STOX2: variants seen among roughly 807,000 people sequenced by gnomAD.
STOX2 encodes storkhead box 2, also known as storkhead-box protein 2.
STOX2 carries 28 observed loss-of-function variants against 60.9 expected under a neutral mutation model. The ratio of observed to expected loss-of-function variants is 0.46; its 90% CI spans 0.34 to 0.63. The LOEUF is 0.63. STOX2 is among the 30% of genes least tolerant of loss of function. The pLI, the probability that STOX2 is intolerant of heterozygous loss-of-function variation, is 0.01. For missense variants in STOX2, 1,024 were observed against 1,187.7 expected (o/e 0.86, Z 2.03); for synonymous variants, 472 against 463.9 (o/e 1.02, Z -0.22).
intron 1 of STOX2, among the ~76,000 whole-genome samples, chr4:183,831,274 G>A (rs1335889147): frequency 1.3e-5 from 2 of 152,194 alleles, no homozygotes; most frequent in African/African-American, 2.4e-5. Flanking sequence ...TTGCACACAT[G>A]TAAGGAAAAT....
intron 1 of STOX2, among the ~76,000 whole-genome samples, chr4:183,937,621 C>T (rs541262383): frequency 5.9e-5 from 9 of 152,314 alleles, no homozygotes; most frequent in Admixed American, 2.6e-4. Flanking sequence ...GATCAGTGGA[C>T]TCGTCTCATT....
chr4:183,916,236 G>T, intron 1 of STOX2, among the ~76,000 whole-genome samples: 1 of 152,222 alleles, frequency 6.6e-6, no homozygotes, highest in Non-Finnish European at 1.5e-5. Flanking sequence ...CCAGCTGTAG[G>T]TTTGTGCTTG....
rs1226042910 is a variant in STOX2, at chr4:184,022,169, C to G, written c.*4885C>G. ...ATCAACTGTCACCCCATTCCTTTCC[C>G]AGAAGGTCTTATGGTATTAAGGATA... On this transcript the variant is annotated 3_prime_UTR_variant, in exon 4 of 4. Transcript: ENST00000308497. The G allele has an allele frequency of 6.6e-6, 1 of 152,188 alleles. No homozygotes were observed. The highest frequency in any genetic ancestry group is 1.5e-5 in the Non-Finnish European group (1 of 68,046). 9.4% of individuals were successfully genotyped at this position (152,188 alleles called of 1,614,324 possible).
intron 1 of STOX2, among the ~76,000 whole-genome samples, chr4:183,855,557 A>C (rs1211023853): frequency 6.6e-6 from 1 of 152,174 alleles, no homozygotes; most frequent in Admixed American, 6.5e-5. Context: ...TTGGAGAAAA[A>C]CGAATGGTCG....
intron 1 of STOX2, among the ~76,000 whole-genome samples, chr4:183,843,135 G>A (rs113578142): frequency 2.2e-5 from 3 of 134,064 alleles, no homozygotes; most frequent in Admixed American, 8.0e-5. Flanking sequence ...GAGACAGAGC[G>A]AGACTCCATC....
At chr4:183,990,428 T>A (rs577018833) in intron 1 of STOX2, among the ~76,000 whole-genome samples, 1 of 152,162 alleles carries the variant, frequency 6.6e-6, no homozygotes, top group Non-Finnish European at 1.5e-5. Context: ...CACATGTATA[T>A]CTTATATTCC....
At chr4:183,819,621 G>A (rs1398859457) in intron 1 of STOX2, among the ~76,000 whole-genome samples, 2 of 149,216 alleles carry the variant, frequency 1.3e-5, no homozygotes. Flanking sequence ...GGAGGAGGGA[G>A]AGGCGAAATA....
intron 1 of STOX2, among the ~76,000 whole-genome samples, chr4:183,808,058 G>T (rs1738948832): frequency 3.9e-5 from 6 of 152,212 alleles, no homozygotes; most frequent in Admixed American, 3.9e-4. Context: ...TGGGTGAAAA[G>T]AACTGTCCAG....
At chr4:183,954,387 C>T (rs1281772791) in intron 1 of STOX2, among the ~76,000 whole-genome samples, 2 of 152,054 alleles carry the variant, frequency 1.3e-5, no homozygotes, top group Non-Finnish European at 2.9e-5. Flanking sequence ...TTCCCAGGTT[C>T]AAGCGATTCT....
At chr4:183,877,877 A>G (rs959211343) in intron 1 of STOX2, among the ~76,000 whole-genome samples, 2 of 151,892 alleles carry the variant, frequency 1.3e-5, no homozygotes, top group African/African-American at 4.8e-5. Context: ...TTTAGTAGAG[A>G]CGGGGTCTCA....
At chr4:183,899,141 T>C (rs763627335) in intron 1 of STOX2, among the ~76,000 whole-genome samples, 1 of 152,228 alleles carries the variant, frequency 6.6e-6, no homozygotes, top group Non-Finnish European at 1.5e-5. Context: ...AGTGTGCCCA[T>C]ATAAGATGGC....
Position 183,999,635 on chromosome 4 carries a change from C to T in STOX2, c.167-1690C>T, listed in dbSNP as rs115405520. The stretch of plus-strand genomic sequence containing the variant: ...GGGGGTGAGGCCTGAGCCTTGGGCA[C>T]TGGAGTCCTGCTGCTTCCTCCGAGG... On this transcript the variant is annotated intron_variant, in intron 1 of 3. Transcript: ENST00000308497. Among the ~76,000 whole-genome samples the T allele has an allele frequency of 8.0e-3, 1,225 of 152,314 alleles. 16 individuals carry two copies. The highest frequency in any genetic ancestry group is 0.028 in the African/African-American group (1,155 of 41,558).
At chr4:183,919,253 G>T (rs2111098841) in intron 1 of STOX2, among the ~76,000 whole-genome samples, 1 of 152,344 alleles carries the variant, frequency 6.6e-6, no homozygotes, top group South Asian at 2.1e-4. Flanking sequence ...CAGAGGCGTA[G>T]TGAATAGTAG....
At chr4:183,948,235 A>AAC (rs1742958029) in intron 1 of STOX2, among the ~76,000 whole-genome samples, 1 of 150,542 alleles carries the variant, frequency 6.6e-6, no homozygotes, top group Non-Finnish European at 1.5e-5. Flanking sequence ...AAAAAAAAAA[A>AAC]AAAAAAAAAC....
intron 1 of STOX2, among the ~76,000 whole-genome samples, chr4:183,869,817 T>A (rs1162215586): frequency 6.6e-6 from 1 of 152,212 alleles, no homozygotes; most frequent in African/African-American, 2.4e-5. Context: ...GAAACATTGA[T>A]AAGCTATTTA....
At chr4:183,879,258 C>T (rs574668744) in intron 1 of STOX2, among the ~76,000 whole-genome samples, 2 of 152,282 alleles carry the variant, frequency 1.3e-5, no homozygotes, top group African/African-American at 4.8e-5. Flanking sequence ...CCATCTCATC[C>T]TTCTTCACCT....
chr4:183,812,585 G>A (rs913136463), intron 1 of STOX2, among the ~76,000 whole-genome samples: 1 of 151,748 alleles, frequency 6.6e-6, no homozygotes, highest in Non-Finnish European at 1.5e-5. Flanking sequence ...AGCTCAACAT[G>A]AATTGGTGAG....
chr4:183,895,530 T>C (rs138220351), intron 1 of STOX2, among the ~76,000 whole-genome samples: 3 of 152,356 alleles, frequency 2.0e-5, no homozygotes, highest in Admixed American at 6.5e-5. Context: ...TCAGTCTCAA[T>C]CTTCGTCTTC....
intron 1 of STOX2, among the ~76,000 whole-genome samples, chr4:183,833,614 G>A (rs4862257): frequency 0.012 from 1,862 of 151,176 alleles, 42 homozygotes; most frequent in Admixed American, 0.063. Flanking sequence ...AATGATACAG[G>A]CTTTTATATT....
Sources: allele counts gnomAD v4.1 joint callset (sites outside exome capture counted in the v4.1 genomes callset), GRCh38; gene constraint gnomAD v4.1.1; transcripts MANE v1.5; gene names NCBI Gene and HGNC (gene_info 2026-07-23, HGNC 2026-07-21).